Variants in ASH1L observed in about 807,000 individuals in gnomAD.
The protein encoded by ASH1L is ASH1 like histone lysine methyltransferase, also known as histone-lysine N-methyltransferase ASH1L.
Under a neutral mutation model 269.0 loss-of-function variants are expected in ASH1L, and 23 were observed. That is an observed-to-expected ratio of 0.09 (90% CI 0.06 to 0.12). The LOEUF (loss-of-function observed/expected upper bound fraction) is 0.12, where lower values mean the gene tolerates loss of function less well. ASH1L is among the 10% of genes least tolerant of loss of function. ASH1L has a pLI of 1.00. For missense variants in ASH1L, 2,912 were observed against 3,567.8 expected, an observed-to-expected ratio of 0.82 and a Z score of 4.68; for synonymous variants, 1,187 against 1,253.5, an observed-to-expected ratio of 0.95 and a Z score of 1.12.
At chr1:155,405,531 G>A (rs942478651) in intron 6 of ASH1L, among the ~76,000 whole-genome samples, 3 of 151,856 alleles carry the variant, frequency 2.0e-5, no homozygotes, top group Non-Finnish European at 4.4e-5. Flanking sequence ...TAAAAGTTTT[G>A]GTTAAAGATC....
Position 155,395,639 on chromosome 1 carries a change from G to A in ASH1L, c.6009-86C>T, listed in dbSNP as rs538784525. On this transcript the variant is annotated intron_variant, in intron 6 of 27. Transcript: ENST00000392403. Reference sequence around the variant, plus strand: ...ATACAGATAACAGATCATCCTATGAGGAGAGGGTACCAAGTACATTGATAA... The same window carrying A: ...ATACAGATAACAGATCATCCTATGAAGAGAGGGTACCAAGTACATTGATAA... 2.2e-5 allele frequency: 19 copies of A among 870,538 alleles called. No individual in the cohort carries two copies. In the Admixed American group the frequency reaches 2.9e-4, roughly 13 times the overall value. The allele number at this position is 870,538 out of a possible 1,614,324, so 53.9% of individuals were successfully genotyped here. A position where few individuals can be genotyped will look rare whatever the true frequency, so the allele number is the denominator to read the frequency against.
At chr1:155,396,760 G>A (rs1446161906) in intron 6 of ASH1L, among the ~76,000 whole-genome samples, 4 of 150,964 alleles carry the variant, frequency 2.6e-5, no homozygotes, top group East Asian at 2.0e-4. Context: ...TCAGGAGTTC[G>A]AGACAGGCCT....
chr1:155,466,548 T>C (rs1664716959), intron 3 of ASH1L, among the ~76,000 whole-genome samples: 1 of 152,212 alleles, frequency 6.6e-6, no homozygotes, highest in Non-Finnish European at 1.5e-5. Flanking sequence ...CATATCTTTT[T>C]TCTATCATGT....
At chr1:155,344,392 T>C in intron 21 of ASH1L, 119 bp from the exon 22 acceptor site, 2 of 724,524 alleles carry the variant, frequency 2.8e-6, no homozygotes, top group South Asian at 2.0e-5. Context: ...ATACCACAGA[T>C]ATACAAAAAA....
chr1:155,511,275 T>C (rs548026727), intron 2 of ASH1L, among the ~76,000 whole-genome samples: 1 of 152,334 alleles, frequency 6.6e-6, no homozygotes, highest in African/African-American at 2.4e-5. Flanking sequence ...AATCTAAATG[T>C]GGCATTCTAT....
At chr1:155,409,219 T>A (rs1312514815) in intron 6 of ASH1L, among the ~76,000 whole-genome samples, 3 of 152,074 alleles carry the variant, frequency 2.0e-5, no homozygotes, top group African/African-American at 7.2e-5. Flanking sequence ...AGAGATGGGG[T>A]TTCACCATGT....
At chr1:155,408,945 C>T (rs762309572) in intron 6 of ASH1L, among the ~76,000 whole-genome samples, 2 of 149,996 alleles carry the variant, frequency 1.3e-5, no homozygotes, top group African/African-American at 2.5e-5. Context: ...AGAGAGTTTA[C>T]GGAGAAAAAA....
At chr1:155,558,468 T>G (rs1671746415) in intron 1 of ASH1L, among the ~76,000 whole-genome samples, 2 of 151,702 alleles carry the variant, frequency 1.3e-5, no homozygotes, top group Admixed American at 6.6e-5. Flanking sequence ...CGAAACTCTC[T>G]CTCAAAAAAA....
rs968493399 is a variant in ASH1L, at chr1:155,374,331, GA to G, written c.6333-3349del. Among the ~76,000 whole-genome samples, 416 of 146,820 alleles carry G rather than the reference GA, an allele frequency of 2.8e-3. 5 individuals are homozygous for G. Among genetic ancestry groups the G allele is most frequent in the Non-Finnish European group, 6.6e-4 (44 of 66,334 alleles). ...CAGAGCGAGACTGTCTCAAAAAAAG[GA>G]AAAAAAAAAGTGAAAAGTTTTGTAA... On this transcript the variant is annotated intron_variant, in intron 10 of 27. Coordinates refer to ENST00000392403, the MANE Select transcript of ASH1L (RefSeq NM_018489.3).
intron 2 of ASH1L, among the ~76,000 whole-genome samples, chr1:155,518,750 G>A (rs1179522741): frequency 6.6e-6 from 1 of 150,876 alleles, no homozygotes; most frequent in Non-Finnish European, 1.5e-5. Flanking sequence ...AAAGGAAGGG[G>A]AGGGAAGAGA....
At chr1:155,542,864 A>G (rs1558209699) in intron 1 of ASH1L, among the ~76,000 whole-genome samples, 2 of 151,412 alleles carry the variant, frequency 1.3e-5, no homozygotes, top group Non-Finnish European at 2.9e-5. Flanking sequence ...TATTTTTAGT[A>G]CAGACAGGGT....
chr1:155,550,431 C>T (rs1671117199), intron 1 of ASH1L, among the ~76,000 whole-genome samples: 1 of 152,160 alleles, frequency 6.6e-6, no homozygotes. Context: ...AAACTAGATA[C>T]CTATCAAGTC....
rs200785312 is a variant in ASH1L at position 155,438,791 on chromosome 1, G to A, written c.5364C>T (p.Ser1788=). ...SISLLSEKLT[S]SCSPHHIKRS... is the part of the protein sequence containing the mutation. ...TCTTGATATGATGGGGGGAACAGCT[G>A]CTTGTCAACTTTTCAGATAGGAGTG... Residue 1788 remains serine (S), a synonymous_variant, in exon 5 of 28, where the codon AGC becomes AGT. Transcript: ENST00000392403. 6.2e-7 allele frequency: 1 copy of A among 1,614,214 alleles called. No individual in the cohort carries two copies. The highest frequency in any genetic ancestry group is 8.5e-7 in the Non-Finnish European group (1 of 1,180,044).
intron 3 of ASH1L, among the ~76,000 whole-genome samples, chr1:155,466,141 T>A (rs1332157161): frequency 6.6e-6 from 1 of 151,952 alleles, no homozygotes; most frequent in Non-Finnish European, 1.5e-5. Context: ...GATCACGAGG[T>A]CAGGAGATTG....
At position 155,480,637 on chromosome 1, in the gene ASH1L, C is replaced by T. The variant is rs768810492; in HGVS notation, c.2233G>A (p.Val745Ile). 4 of 1,614,018 alleles carry T rather than the reference C, an allele frequency of 2.5e-6. No homozygotes were observed. In the South Asian group the frequency reaches 3.3e-5, roughly 13 times the overall value. Residue 745 changes from valine (V) to isoleucine (I), a missense_variant, in exon 3 of 28, where the codon GTT (valine) becomes ATT (isoleucine). Val to Ile is a conservative substitution (Grantham distance 29). This residue lies in a region of ASH1L where 715 missense variants were observed against 721.0 expected (regional missense o/e 0.99). Coordinates refer to ENST00000392403, the MANE Select transcript of ASH1L (RefSeq NM_018489.3). The part of the protein sequence containing the change: ...ELERSELFKN[V>I]SCSSLSNSNS... ...CTATTTGATAGTGAGCTACATGAAA[C>T]GTTTTTAAAAAGCTCTGATCTTTCT...
chr1:155,364,715 T>C (rs537653184), intron 12 of ASH1L, among the ~76,000 whole-genome samples: 3 of 151,838 alleles, frequency 2.0e-5, no homozygotes, highest in Non-Finnish European at 4.4e-5. Flanking sequence ...TGAAGCGGGC[T>C]GACTTATTGA....
At position 155,341,883 on chromosome 1, in the gene ASH1L, T is replaced by C. The variant is rs926754944; in HGVS notation, c.8460+53A>G. 8 of 1,569,568 alleles carry C rather than the reference T, an allele frequency of 5.1e-6. No individual in the cohort carries two copies. In the African/African-American group the frequency reaches 9.5e-5, roughly 19 times the overall value. Reference sequence around the variant, plus strand: ...GAAGATTTTCGCTCAGTGAATTTCATGCATGAACCAGATTGTCCTAACATG... The same window carrying C: ...GAAGATTTTCGCTCAGTGAATTTCACGCATGAACCAGATTGTCCTAACATG... On this transcript the variant is annotated intron_variant, in intron 25 of 27. Transcript: ENST00000392403.
At chr1:155,442,117 C>G (rs1662630835) in intron 4 of ASH1L, among the ~76,000 whole-genome samples, 1 of 152,012 alleles carries the variant, frequency 6.6e-6, no homozygotes, top group Non-Finnish European at 1.5e-5. Context: ...TAGTTACAAC[C>G]AAAGGAAGGG....
At position 155,562,359 on chromosome 1, in the gene ASH1L, G is replaced by A. The variant is rs771472709; in HGVS notation, c.-306C>T. 9.2e-6 allele frequency: 14 copies of A among 1,526,864 alleles called. No homozygotes were observed. The highest frequency in any genetic ancestry group is 1.9e-5 in the Admixed American group (1 of 52,460). The allele number at this position is 1,526,864 out of a possible 1,614,324, so 94.6% of individuals were successfully genotyped here. A position where few individuals can be genotyped will look rare whatever the true frequency, so the allele number is the denominator to read the frequency against. On this transcript the variant is annotated 5_prime_UTR_variant, in exon 1 of 28. Coordinates refer to ENST00000392403, the MANE Select transcript of ASH1L (RefSeq NM_018489.3). ...GGCTAAAGGGGGCAAACTGAGGGGA[G>A]GCGGGTCCCGCAACCGAGACTGGGA...
Sources: gnomAD v4.1 joint callset for allele counts (sites outside exome capture counted in the v4.1 genomes callset) on GRCh38, gnomAD v4.1.1 for gene constraint, gnomAD v4.1.1 regional missense constraint, MANE v1.5 for transcripts, NCBI Gene and HGNC (gene_info 2026-07-23, HGNC 2026-07-21) for gene names.